The following SPEN variants were observed in gnomAD, a reference collection of about 807,000 sequenced individuals.
The protein encoded by SPEN is spen family transcriptional repressor.
In SPEN, 18 loss-of-function variants were observed where a neutral mutation model predicts 269.9. The observed-to-expected ratio is 0.07, with a 90% CI of 0.05 to 0.10. The LOEUF (loss-of-function observed/expected upper bound fraction) is 0.10, where lower values mean the gene tolerates loss of function less well. Ranked by LOEUF, SPEN falls within the 10% of genes least tolerant of loss-of-function variation. The pLI is 1.00. For synonymous variants in SPEN, 1,726 were observed against 1,765.7 expected (o/e 0.98, Z 0.56); for missense variants, 3,822 against 4,631.2 (o/e 0.83, Z 5.07).
chr1:15,856,239 C>T (rs1052460452), intron 1 of SPEN, among the ~76,000 whole-genome samples: 1 of 151,876 alleles, frequency 6.6e-6, no homozygotes. Flanking sequence ...ATCCGCCCGC[C>T]TCGGCCTCCC....
intron 9 of SPEN, among the ~76,000 whole-genome samples, chr1:15,921,289 C>T (rs1333680620): frequency 6.6e-6 from 1 of 152,118 alleles, no homozygotes; most frequent in Non-Finnish European, 1.5e-5. Flanking sequence ...GAGATCATGC[C>T]GTTGCACTCC....
chr1:15,936,079 G>A lies in SPEN; in HGVS notation c.9839G>A (p.Gly3280Glu), dbSNP rs1274039054. Residue 3280 changes from glycine to glutamate, a missense_variant, in exon 11 of 15, where the codon GGG becomes GAG. By Grantham distance (98) the Gly-to-Glu change is moderately conservative (BLOSUM62 -2). Transcript: ENST00000375759. Reference sequence around the variant, plus strand: ...GTTACCCCCAGTAACCAACTCCAGGGGCTGCCTCTGACCCCTCCTGTGGTG... The same window carrying A: ...GTTACCCCCAGTAACCAACTCCAGGAGCTGCCTCTGACCCCTCCTGTGGTG... ...LTVTPSNQLQ[G>E]LPLTPPVVVT... 5.0e-6 allele frequency: 8 copies of A among 1,601,474 alleles called. No homozygotes were observed. Among genetic ancestry groups the A allele is most frequent in the Admixed American group, 3.4e-5 (2 of 59,356 alleles).
At chr1:15,905,687 C>G (rs933526435) in intron 3 of SPEN, among the ~76,000 whole-genome samples, 1 of 152,070 alleles carries the variant, frequency 6.6e-6, no homozygotes, top group African/African-American at 2.4e-5. Context: ...GTTCTCCTGC[C>G]TCAGCCTCCC....
At position 15,930,000 on chromosome 1, in the gene SPEN, G is replaced by A; in HGVS notation, c.3760G>A (p.Asp1254Asn). The A allele has an allele frequency of 6.2e-7, 1 of 1,614,178 alleles. No homozygotes were observed. The highest frequency in any genetic ancestry group is 8.5e-7 in the Non-Finnish European group (1 of 1,180,042). Residue 1254 changes from aspartate to asparagine, a missense_variant, in exon 11 of 15, where the codon GAT (aspartate) becomes AAT (asparagine). Around this residue, in one of 16 missense-constraint regions of SPEN, gnomAD observed 267 missense variants for 315.5 expected, o/e 0.85. Coordinates refer to ENST00000375759, the MANE Select transcript of SPEN (RefSeq NM_015001.3). The surrounding 1 kb of genome is among the most constrained non-coding windows in gnomAD (Gnocchi z 5.8). ...CAGAAGTTCACGCCAAATCAGCGAA[G>A]ATTCTGAAAGGACTGGTGGTTCTCC... ...NYRSSRQISEDSERTGGSPSV... is the reference protein window; with the variant it reads ...NYRSSRQISENSERTGGSPSV...
At chr1:15,936,492 T>G (rs545154890) in intron 11 of SPEN, among the ~76,000 whole-genome samples, 21 of 150,198 alleles carry the variant, frequency 1.4e-4, no homozygotes, top group Admixed American at 3.3e-4. Flanking sequence ...AAAAAAAAAT[T>G]ACAAAAATTA....
rs776525901 is a variant in SPEN at position 15,931,944 on chromosome 1, C to T, written c.5704C>T (p.Arg1902Trp). The T allele has an allele frequency of 2.5e-6, 4 of 1,614,038 alleles. No individual in the cohort carries two copies. The highest frequency in any genetic ancestry group is 8.5e-7 in the Non-Finnish European group (1 of 1,180,008). The change falls in exon 11 of 15, where the codon CGG (arginine) becomes TGG (tryptophan). Residue 1902 changes from arginine to tryptophan, a missense_variant. Arg to Trp is a moderately radical substitution (Grantham distance 101, BLOSUM62 -3). This residue lies in a region of SPEN where 533 missense variants were observed against 618.8 expected (regional missense o/e 0.86). Coordinates refer to ENST00000375759, the MANE Select transcript of SPEN (RefSeq NM_015001.3). The surrounding 1 kb of genome is among the most constrained non-coding windows in gnomAD (Gnocchi z 4.8). ...PSLPLSRTRRRNVRSVYATMG... is the reference protein window; with the variant it reads ...PSLPLSRTRRWNVRSVYATMG... The stretch of plus-strand genomic sequence containing the variant: ...TTTGCCTCTCAGCCGAACAAGGCGC[C>T]GGAATGTAAGGAGCGTCTATGCAAC...
chr1:15,936,335 C>T, intron 11 of SPEN, 69 bp downstream of exon 11: 1 of 1,472,518 alleles, frequency 6.8e-7, no homozygotes, highest in Non-Finnish European at 9.0e-7. Context: ...GGCTTTTAAG[C>T]CAAGATGTGT....
intron 3 of SPEN, among the ~76,000 whole-genome samples, chr1:15,877,754 T>C (rs1388462368): frequency 6.9e-6 from 1 of 144,690 alleles, no homozygotes; most frequent in African/African-American, 2.6e-5. Flanking sequence ...TTTTTTTTTT[T>C]TTTTTTTGAG....
chr1:15,887,928 G>A (rs57488074), intron 3 of SPEN, among the ~76,000 whole-genome samples: 6 of 150,860 alleles, frequency 4.0e-5, no homozygotes, highest in Non-Finnish European at 8.9e-5. Context: ...CTCGGGAGGC[G>A]GAGGCAGGAG....
At chr1:15,923,366 A>G (rs2071136506) in intron 10 of SPEN, among the ~76,000 whole-genome samples, 1 of 152,206 alleles carries the variant, frequency 6.6e-6, no homozygotes, top group African/African-American at 2.4e-5. Flanking sequence ...GGTCCATATT[A>G]TCAAGCTGTT....
Position 15,888,841 on chromosome 1 carries a change from G to T in SPEN, c.881+12163G>T, listed in dbSNP as rs145308946. Among the ~76,000 whole-genome samples the T allele has an allele frequency of 9.1e-3, 1,390 of 152,060 alleles. 25 individuals carry two copies. Among genetic ancestry groups the T allele is most frequent in the African/African-American group, 0.032 (1,329 of 41,458 alleles). On this transcript the variant is annotated intron_variant, in intron 3 of 14. Transcript: ENST00000375759. ...AGACAGGGTTTTGCCATGTTGGTTG[G>T]CTGGTCTTGAACTCCTGACCTTAGG...
At chr1:15,853,865 C>G (rs951187987) in intron 1 of SPEN, among the ~76,000 whole-genome samples, 1 of 152,068 alleles carries the variant, frequency 6.6e-6, no homozygotes, top group Non-Finnish European at 1.5e-5. Context: ...GACGGGGTTT[C>G]ACTATGTCGG....
Position 15,848,460 on chromosome 1 carries a change from C to G in SPEN, c.83+310C>G, listed in dbSNP as rs1026553312. 2.0e-5 allele frequency among the ~76,000 whole-genome samples: 3 copies of G among 151,738 alleles called. No homozygotes were observed. Among genetic ancestry groups the G allele is most frequent in the African/African-American group, 7.2e-5 (3 of 41,384 alleles). On this transcript the variant is annotated intron_variant, in intron 1 of 14. Transcript: ENST00000375759. The surrounding 1 kb of genome is among the most constrained non-coding windows in gnomAD (Gnocchi z 5.1). Reference sequence around the variant, plus strand: ...CGCCCCGGGGCTGCCCTCGCGTCAGCCCGGGAGTCGGTGGGAGATGCGCTG... The same window carrying G: ...CGCCCCGGGGCTGCCCTCGCGTCAGGCCGGGAGTCGGTGGGAGATGCGCTG...
rs1193736165 is a variant in SPEN at position 15,935,009 on chromosome 1, C to T, written c.8769C>T (p.Val2923=). Residue 2923 remains valine, a synonymous_variant, in exon 11 of 15, where the codon GTC becomes GTT. Coordinates refer to ENST00000375759, the MANE Select transcript of SPEN (RefSeq NM_015001.3). The surrounding 1 kb of genome is among the most constrained non-coding windows in gnomAD (Gnocchi z 7.7). ...EPIHLSVSTP[V]TQGGTVKVLT... is the part of the protein sequence containing the mutation. ...TTCACCTCTCGGTGTCCACGCCTGT[C>T]ACCCAGGGAGGCACAGTGAAGGTTC... 4.3e-6 allele frequency: 7 copies of T among 1,613,826 alleles called. No homozygotes were observed. The highest frequency in any genetic ancestry group is 5.9e-6 in the Non-Finnish European group (7 of 1,179,972).
In SPEN at chr1:15,848,443, G is replaced by T. The variant is rs2070298579; in HGVS notation, c.83+293G>T. 1.3e-5 allele frequency among the ~76,000 whole-genome samples: 2 copies of T among 151,728 alleles called. No homozygotes were observed. On this transcript the variant is annotated intron_variant, in intron 1 of 14. Transcript: ENST00000375759. This position sits in a 1 kb window ranked among gnomAD's most constrained non-coding sequence, Gnocchi z 5.1. ...GGCCTCCACGCAGCCGGCGCCCCGG[G>T]GCTGCCCTCGCGTCAGCCCGGGAGT... is the stretch of plus-strand genomic sequence containing the variant.
chr1:15,934,383 G>T lies in SPEN; in HGVS notation c.8143G>T (p.Val2715Leu). 6.2e-7 allele frequency: 1 copy of T among 1,613,628 alleles called. No individual in the cohort carries two copies. The highest frequency in any genetic ancestry group is 1.1e-5 in the South Asian group (1 of 91,080). The change falls in exon 11 of 15, where the codon GTG becomes TTG. Residue 2715 changes from valine (V) to leucine (L), a missense_variant. Val to Leu is a conservative substitution (Grantham distance 32). Transcript: ENST00000375759. The surrounding 1 kb of genome is among the most constrained non-coding windows in gnomAD (Gnocchi z 9.2). ...TCTCACCACTCCAGTGAACGCCACG[G>T]TGGGCACAGTGAATGCCGCCCCAGG... ...NVLTTPVNAT[V>L]GTVNAAPGTV...
Position 15,894,533 on chromosome 1 carries a change from G to GTTTTTTTTTTT in SPEN, c.882-14786_882-14785insTTTTTTTTTTT, listed in dbSNP as rs35841965. On this transcript the variant is annotated intron_variant, in intron 3 of 14. Coordinates refer to ENST00000375759, the MANE Select transcript of SPEN (RefSeq NM_015001.3). The stretch of plus-strand genomic sequence containing the variant: ...TAGATCCTAAAACTACCATATTATG[G>GTTTTTTTTTTT]TTGTTTTTTTTTTTTTTTTTTTTTT... 1.2e-3 allele frequency among the ~76,000 whole-genome samples: 169 copies of GTTTTTTTTTTT among 135,974 alleles called. 9 individuals are homozygous for GTTTTTTTTTTT. The highest frequency in any genetic ancestry group is 4.8e-3 in the African/African-American group (160 of 33,648). 89.2% of individuals were successfully genotyped at this position (135,974 alleles called of 152,430 possible).
chr1:15,887,479 C>T (rs764772768), intron 3 of SPEN, among the ~76,000 whole-genome samples: 29 of 150,176 alleles, frequency 1.9e-4, no homozygotes, highest in Non-Finnish European at 3.5e-4. Flanking sequence ...GACTGGGTTT[C>T]ACCATGTTAG....
chr1:15,917,572 T>C (rs2071077659), intron 6 of SPEN: 1 of 152,248 alleles, frequency 6.6e-6, no homozygotes, highest in African/African-American at 2.4e-5. Flanking sequence ...TATTTTTTAG[T>C]AGAGGCGGGG....
Sources: allele counts gnomAD v4.1 joint callset (sites outside exome capture counted in the v4.1 genomes callset), GRCh38; gene constraint gnomAD v4.1.1; regional missense constraint gnomAD v4.1.1; non-coding constraint Gnocchi (gnomAD v3.1); transcripts MANE v1.5; gene names NCBI Gene and HGNC (gene_info 2026-07-23, HGNC 2026-07-21).